Variants in PDZD2 observed in about 807,000 individuals in gnomAD.
PDZD2 encodes the protein PDZ domain containing 2, also known as PDZ domain-containing protein 2.
A neutral mutation model predicts 220.7 loss-of-function variants in PDZD2; 90 were observed. That is an observed-to-expected ratio of 0.41 (90% CI 0.34 to 0.49). PDZD2 has a LOEUF of 0.49. PDZD2 is among the 20% of genes least tolerant of loss of function. PDZD2 has a pLI of 0.28. For synonymous variants in PDZD2, 1,375 were observed against 1,450.5 expected, an observed-to-expected ratio of 0.95 and a Z score of 1.18; for missense variants, 3,174 against 3,608.5, an observed-to-expected ratio of 0.88 and a Z score of 3.08.
At chr5:32,103,137 T>C (rs1484714958) in intron 24 of PDZD2, among the ~76,000 whole-genome samples, 1 of 152,078 alleles carries the variant, frequency 6.6e-6, no homozygotes, top group Non-Finnish European at 1.5e-5. Context: ...AGAGGAAATA[T>C]TTGCAGAAAT....
At chr5:32,064,681 A>G (rs1036418999) in intron 14 of PDZD2, among the ~76,000 whole-genome samples, 5 of 152,122 alleles carry the variant, frequency 3.3e-5, no homozygotes, top group African/African-American at 1.2e-4. Context: ...CAAAATGTTC[A>G]CTAAGGGCGG....
chr5:31,682,368 G>A (rs893137023), intron 1 of PDZD2, among the ~76,000 whole-genome samples: 3 of 152,074 alleles, frequency 2.0e-5, no homozygotes, highest in East Asian at 1.9e-4. Context: ...GGAGAATGTC[G>A]GTGCCTTAGT....
intron 1 of PDZD2, among the ~76,000 whole-genome samples, chr5:31,707,680 T>G (rs1371907274): frequency 6.6e-6 from 1 of 152,214 alleles, no homozygotes; most frequent in African/African-American, 2.4e-5. Context: ...CAGGCTGCAG[T>G]GCAGTGATGC....
intron 2 of PDZD2, among the ~76,000 whole-genome samples, chr5:31,977,526 C>T (rs886742736): frequency 4.6e-5 from 7 of 152,160 alleles, no homozygotes; most frequent in African/African-American, 1.7e-4. Context: ...CCAACCTCTT[C>T]CCAGGACTCC....
chr5:31,830,124 C>T (rs181046864), intron 2 of PDZD2, among the ~76,000 whole-genome samples: 11 of 151,376 alleles, frequency 7.3e-5, no homozygotes, highest in African/African-American at 2.7e-4. Flanking sequence ...TACTTGTTCA[C>T]ATTTTCCCTC....
At chr5:31,909,978 A>T (rs946361040) in intron 2 of PDZD2, among the ~76,000 whole-genome samples, 1 of 152,162 alleles carries the variant, frequency 6.6e-6, no homozygotes, top group Non-Finnish European at 1.5e-5. Context: ...TTCATCCTAT[A>T]ATTGAAAATA....
At chr5:31,704,736 C>A (rs1042516673) in intron 1 of PDZD2, among the ~76,000 whole-genome samples, 6 of 152,146 alleles carry the variant, frequency 3.9e-5, no homozygotes, top group Non-Finnish European at 8.8e-5. Flanking sequence ...ATGCAGAACT[C>A]CCCTCACCTA....
intron 1 of PDZD2, among the ~76,000 whole-genome samples, chr5:31,786,456 T>C (rs1017435623): frequency 1.3e-5 from 2 of 152,194 alleles, no homozygotes; most frequent in Non-Finnish European, 2.9e-5. Context: ...TATTTCTTCT[T>C]GTATTCTGGA....
intron 1 of PDZD2, among the ~76,000 whole-genome samples, chr5:31,690,583 G>A (rs1747078260): frequency 6.6e-6 from 1 of 152,170 alleles, no homozygotes; most frequent in African/African-American, 2.4e-5. Context: ...CTGTTCCTTA[G>A]CTGTGGCCAG....
intron 2 of PDZD2, among the ~76,000 whole-genome samples, chr5:31,854,762 A>G (rs1050181409): frequency 1.3e-5 from 2 of 152,104 alleles, no homozygotes; most frequent in African/African-American, 4.8e-5. Context: ...AATCCTCCCC[A>G]GGGCGGTTTC....
At chr5:31,855,209 G>C in intron 2 of PDZD2, 4 of 728,486 alleles carry the variant, frequency 5.5e-6, no homozygotes, top group Non-Finnish European at 6.7e-6. Flanking sequence ...CAGGTTTTCT[G>C]ATCTGATCCA....
chr5:31,795,823 GATAGA>G (rs1195572448), intron 1 of PDZD2, among the ~76,000 whole-genome samples: 1 of 152,208 alleles, frequency 6.6e-6, no homozygotes, highest in African/African-American at 2.4e-5. Context: ...CAAATGGGTT[GATAGA>G]ATAAAGGACT....
At chr5:31,870,416 C>G (rs1431711084) in intron 2 of PDZD2, among the ~76,000 whole-genome samples, 1 of 152,102 alleles carries the variant, frequency 6.6e-6, no homozygotes, top group South Asian at 2.1e-4. Context: ...CACACATTAC[C>G]TTGAAATGAC....
At position 32,087,304 on chromosome 5, in the gene PDZD2, C is replaced by G. The variant is rs140809656; in HGVS notation, c.3856C>G (p.His1286Asp). Residue 1286 changes from histidine (H) to aspartate (D), a missense_variant, in exon 20 of 25, where the codon CAT becomes GAT. Coordinates refer to ENST00000438447, the MANE Select transcript of PDZD2 (RefSeq NM_178140.4). This position sits in a 1 kb window ranked among gnomAD's most constrained non-coding sequence, Gnocchi z 4.0. ...CKARSPVRLP[H>D]EGSPSPGEKA... ...GGCCAGGTCTCCAGTCAGGCTCCCC[C>G]ATGAGGGCAGCCCCTCCCCGGGGGA... The G allele has an allele frequency of 1.1e-5, 17 of 1,613,962 alleles. No homozygotes were observed. The South Asian group carries it at 1.3e-4, about 13-fold the overall frequency.
intron 2 of PDZD2, among the ~76,000 whole-genome samples, chr5:31,964,276 C>T (rs1168502748): frequency 6.6e-6 from 1 of 152,124 alleles, no homozygotes; most frequent in Non-Finnish European, 1.5e-5. Flanking sequence ...GTGGGAATCC[C>T]ACCATCTGAG....
chr5:31,803,542 G>C (rs1287211289), intron 2 of PDZD2, among the ~76,000 whole-genome samples: 1 of 151,992 alleles, frequency 6.6e-6, no homozygotes, highest in Non-Finnish European at 1.5e-5. Flanking sequence ...CCGGTGTCTG[G>C]CCCTGGAGTG....
intron 2 of PDZD2, among the ~76,000 whole-genome samples, chr5:31,830,035 G>A (rs557397468): frequency 4.7e-4 from 72 of 152,118 alleles, no homozygotes; most frequent in South Asian, 1.9e-3. Flanking sequence ...GTGACAGAGC[G>A]AGACTCCATC....
intron 2 of PDZD2, among the ~76,000 whole-genome samples, chr5:31,828,261 C>T (rs777360112): frequency 6.6e-6 from 1 of 152,074 alleles, no homozygotes; most frequent in African/African-American, 2.4e-5. Flanking sequence ...TTTGAGAAAT[C>T]TCCAAATTGT....
intron 3 of PDZD2, among the ~76,000 whole-genome samples, chr5:31,984,680 A>T (rs1304066864): frequency 6.6e-6 from 1 of 152,168 alleles, no homozygotes; most frequent in Non-Finnish European, 1.5e-5. Flanking sequence ...CCTGGGCAAC[A>T]TGGTGGAACC....
Sources: gnomAD v4.1 joint callset for allele counts (sites outside exome capture counted in the v4.1 genomes callset) on GRCh38, gnomAD v4.1.1 for gene constraint, Gnocchi (gnomAD v3.1) non-coding constraint, MANE v1.5 for transcripts, NCBI Gene and HGNC (gene_info 2026-07-23, HGNC 2026-07-21) for gene names.